CFAP299: variants seen among roughly 807,000 people sequenced by gnomAD.
CFAP299 encodes the protein cilia- and flagella-associated protein 299.
Under a neutral mutation model 27.0 loss-of-function variants are expected in CFAP299, and 21 were observed. The ratio of observed to expected loss-of-function variants is 0.78; its 90% CI spans 0.55 to 1.12. The LOEUF is 1.12. Ranked by LOEUF, CFAP299 falls within the 50% of genes most tolerant of loss-of-function variation. The pLI is 0.00. For missense variants in CFAP299, 310 were observed against 276.6 expected (o/e 1.12, Z -0.86); for synonymous variants, 104 against 98.1 (o/e 1.06, Z -0.36).
chr4:80,665,965 C>A (rs951993566), intron 3 of CFAP299, among the ~76,000 whole-genome samples: 14 of 152,048 alleles, frequency 9.2e-5, no homozygotes, highest in African/African-American at 3.4e-4. Context: ...TTCCTGAAGC[C>A]TCCCCAGAAG....
chr4:80,327,690 T>TTTTTTATATA, the CFAP299 span, among the ~76,000 whole-genome samples: 3 of 51,242 alleles, frequency 5.9e-5, no homozygotes, highest in African/African-American at 2.1e-4. Flanking sequence ...TAGAGAGAAG[T>TTTTTTATATA]TATATATATA....
chr4:80,910,509 C>T (rs542883924), intron 4 of CFAP299, among the ~76,000 whole-genome samples: 84 of 152,200 alleles, frequency 5.5e-4, no homozygotes, highest in African/African-American at 1.8e-3. Flanking sequence ...AGAAAAAGAT[C>T]TTGTCCTTTG....
the CFAP299 span, among the ~76,000 whole-genome samples, chr4:80,325,715 A>G: frequency 6.6e-6 from 1 of 152,242 alleles, no homozygotes; most frequent in African/African-American, 2.4e-5. Flanking sequence ...CTGGCTGGCC[A>G]TCCAGGCATA....
intron 4 of CFAP299, among the ~76,000 whole-genome samples, chr4:80,902,468 AT>A: frequency 8.5e-6 from 1 of 117,216 alleles, no homozygotes; most frequent in Non-Finnish European, 1.6e-5. Context: ...ACATATATGT[AT>A]ATATGTATAT....
intron 3 of CFAP299, among the ~76,000 whole-genome samples, chr4:80,727,811 A>G (rs1723245312): frequency 6.6e-6 from 1 of 151,986 alleles, no homozygotes; most frequent in South Asian, 2.1e-4. Flanking sequence ...GTCCATTGAC[A>G]AGCAAAATAT....
rs537045478 is a variant in CFAP299, at chr4:80,480,278, T to A, written c.243-102815T>A. On this transcript the variant is annotated intron_variant, in intron 2 of 5. Transcript: ENST00000358105. ...AACTGAGGCATAATAAAATTTTTTT[T>A]AAAGAGTTTATTTGAGCAAATAGTG... is the stretch of plus-strand genomic sequence containing the variant. 2.0e-5 allele frequency among the ~76,000 whole-genome samples: 3 copies of A among 151,960 alleles called. No individual in the cohort carries two copies. In the South Asian group the frequency reaches 6.2e-4, roughly 32 times the overall value.
chr4:80,855,855 C>T (rs866881148), intron 3 of CFAP299, among the ~76,000 whole-genome samples: 22 of 151,532 alleles, frequency 1.5e-4, no homozygotes, highest in South Asian at 4.2e-4. Context: ...TGAATAGTGC[C>T]GCAATAAACA....
intron 2 of CFAP299, among the ~76,000 whole-genome samples, chr4:80,561,797 A>G (rs962961936): frequency 6.6e-6 from 1 of 152,144 alleles, no homozygotes; most frequent in Admixed American, 6.6e-5. Flanking sequence ...AAAACCATGA[A>G]GCACACCTAC....
At chr4:80,445,699 AT>A (rs1728585305) in intron 2 of CFAP299, among the ~76,000 whole-genome samples, 1 of 152,204 alleles carries the variant, frequency 6.6e-6, no homozygotes, top group Non-Finnish European at 1.5e-5. Flanking sequence ...AAGTATCATC[AT>A]TAAGCATAGT....
At position 80,562,657 on chromosome 4, in the gene CFAP299, CAATAATAAT is replaced by C. The variant is rs144281838; in HGVS notation, c.243-20406_243-20398del. Reference sequence around the variant, plus strand: ...TAGGCAATACAGCGAGACTCAATTTCAATAATAATAATAATAATAATAATAATAATAATA... The same window carrying C: ...TAGGCAATACAGCGAGACTCAATTTCAATAATAATAATAATAATAATAATA... On this transcript the variant is annotated intron_variant, in intron 2 of 5. Transcript: ENST00000358105. Among the ~76,000 whole-genome samples the C allele has an allele frequency of 6.1e-3, 864 of 140,830 alleles. 6 individuals are homozygous for C. Among genetic ancestry groups the C allele is most frequent in the South Asian group, 8.0e-3 (35 of 4,386 alleles). The allele number at this position is 140,830 out of a possible 152,430, so 92.4% of individuals were successfully genotyped here.
intron 3 of CFAP299, among the ~76,000 whole-genome samples, chr4:80,585,307 A>G (rs1736378414): frequency 6.6e-6 from 1 of 152,206 alleles, no homozygotes; most frequent in African/African-American, 2.4e-5. Flanking sequence ...GATTTTGAAC[A>G]TACTGAATTT....
intron 2 of CFAP299, among the ~76,000 whole-genome samples, chr4:80,381,214 A>G (rs563875677): frequency 6.6e-6 from 1 of 152,014 alleles, no homozygotes; most frequent in Non-Finnish European, 1.5e-5. Flanking sequence ...ACTGAATTCT[A>G]TTTCCCATGC....
At chr4:80,351,578 A>G (rs1723017081) in intron 1 of CFAP299, among the ~76,000 whole-genome samples, 1 of 152,044 alleles carries the variant, frequency 6.6e-6, no homozygotes, top group South Asian at 2.1e-4. Flanking sequence ...GACTAATAAG[A>G]AAGAAATAAC....
At chr4:80,565,467 G>A (rs1735234594) in intron 2 of CFAP299, among the ~76,000 whole-genome samples, 1 of 152,050 alleles carries the variant, frequency 6.6e-6, no homozygotes, top group African/African-American at 2.4e-5. Flanking sequence ...AACGATCTAT[G>A]TAGAAGGAAG....
chr4:80,859,112 T>C (rs1251374861), intron 3 of CFAP299, among the ~76,000 whole-genome samples: 1 of 152,232 alleles, frequency 6.6e-6, no homozygotes, highest in Non-Finnish European at 1.5e-5. Flanking sequence ...GGTGCATATA[T>C]ATTTAGGATA....
At chr4:80,824,665 G>T (rs569718863) in intron 3 of CFAP299, among the ~76,000 whole-genome samples, 1 of 152,220 alleles carries the variant, frequency 6.6e-6, no homozygotes, top group East Asian at 1.9e-4. Flanking sequence ...GAAATGTGTA[G>T]AATCAGAAAA....
At chr4:80,828,080 T>G (rs1257380359) in intron 3 of CFAP299, among the ~76,000 whole-genome samples, 3 of 152,032 alleles carry the variant, frequency 2.0e-5, no homozygotes, top group African/African-American at 7.2e-5. Context: ...CCCATGTTCA[T>G]GGAGCGAAAG....
intron 3 of CFAP299, among the ~76,000 whole-genome samples, chr4:80,594,359 G>T (rs966384570): frequency 1.3e-5 from 2 of 152,038 alleles, no homozygotes; most frequent in Non-Finnish European, 2.9e-5. Flanking sequence ...GAACAGAATG[G>T]GGGAAACTGC....
chr4:80,675,460 G>A (rs994258048), intron 3 of CFAP299, among the ~76,000 whole-genome samples: 4 of 152,194 alleles, frequency 2.6e-5, no homozygotes, highest in Non-Finnish European at 5.9e-5. Context: ...GGCCCCTTCT[G>A]GGAGGTGTCT....
Sources: allele counts gnomAD v4.1 joint callset (sites outside exome capture counted in the v4.1 genomes callset), GRCh38; gene constraint gnomAD v4.1.1; transcripts MANE v1.5; gene names NCBI Gene and HGNC (gene_info 2026-07-23, HGNC 2026-07-21).